The following AGTPBP1 variants were observed in gnomAD, a reference collection of about 807,000 sequenced individuals.
AGTPBP1 encodes ATP/GTP binding carboxypeptidase 1.
A neutral mutation model predicts 143.9 loss-of-function variants in AGTPBP1; 70 were observed. That is an observed-to-expected ratio of 0.49 (90% confidence interval 0.40 to 0.59). The LOEUF is 0.59. Ranked by LOEUF, AGTPBP1 falls within the 20% of genes least tolerant of loss-of-function variation. The pLI, the probability that AGTPBP1 is intolerant of heterozygous loss-of-function variation, is 0.00. For missense variants in AGTPBP1, 1,229 were observed against 1,464.5 expected (o/e 0.84, Z 2.62); for synonymous variants, 463 against 500.2 (o/e 0.93, Z 0.99).
rs538132050 is a variant in AGTPBP1 at position 85,552,991 on chromosome 9, T to G, written c.3504-5705A>C. 2.0e-5 allele frequency among the ~76,000 whole-genome samples: 3 copies of G among 152,352 alleles called. No individual in the cohort carries two copies. The East Asian group carries it at 5.8e-4, about 29-fold the overall frequency. On this transcript the variant is annotated intron_variant, in intron 25 of 25. Transcript: ENST00000357081. ...GTCAGATTTAGGGTGAAAGAAAATC[T>G]TTCTATTTGTACAAATACCAGAAGA...
intron 17 of AGTPBP1, among the ~76,000 whole-genome samples, chr9:85,618,557 T>A (rs1226190711): frequency 6.8e-6 from 1 of 146,024 alleles, no homozygotes; most frequent in Non-Finnish European, 1.5e-5. Context: ...TATTCCACAC[T>A]TTTTTTTTTT....
chr9:85,636,715 C>G (rs1254362730), intron 13 of AGTPBP1, among the ~76,000 whole-genome samples: 3 of 151,922 alleles, frequency 2.0e-5, no homozygotes, highest in Non-Finnish European at 4.4e-5. Context: ...GTAAAAAGGT[C>G]TACGTTCAAT....
At chr9:85,784,965 C>A in the AGTPBP1 span, among the ~76,000 whole-genome samples, 8 of 152,138 alleles carry the variant, frequency 5.3e-5, no homozygotes, top group Non-Finnish European at 8.8e-5. Context: ...CATTATAGGC[C>A]AAGCAAACCA....
At chr9:85,678,839 G>C (rs905476986) in intron 4 of AGTPBP1, among the ~76,000 whole-genome samples, 19 of 152,076 alleles carry the variant, frequency 1.2e-4, no homozygotes, top group African/African-American at 4.6e-4. Context: ...TGTGCATACA[G>C]GTTTATTTCT....
intron 8 of AGTPBP1, among the ~76,000 whole-genome samples, chr9:85,665,442 G>A (rs1482540709): frequency 2.0e-5 from 3 of 152,152 alleles, no homozygotes; most frequent in Non-Finnish European, 4.4e-5. Context: ...TCCAGCCTCT[G>A]GAACTATAAA....
chr9:85,629,214 T>C (rs1264198355), intron 14 of AGTPBP1, among the ~76,000 whole-genome samples: 1 of 152,212 alleles, frequency 6.6e-6, no homozygotes, highest in Non-Finnish European at 1.5e-5. Context: ...CTCAGTGGTA[T>C]ATTAGACTGT....
At chr9:85,595,734 C>G (rs1411035885) in intron 18 of AGTPBP1, among the ~76,000 whole-genome samples, 2 of 152,016 alleles carry the variant, frequency 1.3e-5, no homozygotes. Flanking sequence ...ACCATGTTGG[C>G]CAGGCTGGTC....
intron 18 of AGTPBP1, among the ~76,000 whole-genome samples, chr9:85,595,458 G>C (rs763439865): frequency 2.6e-5 from 4 of 152,228 alleles, no homozygotes; most frequent in African/African-American, 7.2e-5. Flanking sequence ...CGAGTACTTA[G>C]AGGTGGAGCT....
chr9:85,802,354 C>G, the AGTPBP1 span, among the ~76,000 whole-genome samples: 2 of 152,104 alleles, frequency 1.3e-5, no homozygotes, highest in Admixed American at 1.3e-4. Flanking sequence ...TCCCCTTATA[C>G]TTGCCTGGTC....
chr9:85,804,719 G>A, the AGTPBP1 span, among the ~76,000 whole-genome samples: 1 of 152,200 alleles, frequency 6.6e-6, no homozygotes, highest in African/African-American at 2.4e-5. Context: ...TGTAAAATTA[G>A]TCCACTACGA....
At position 85,575,466 on chromosome 9, in the gene AGTPBP1, T is replaced by C. The variant is rs1827840070; in HGVS notation, c.3352A>G (p.Ile1118Val). ...CDQGKYKGLQ[I>V]GTRELEEMGA... ...ATCTCTTCCAGTTCTCGGGTACCAATCTGTAAACCCTTGAAATAAACAAAT... is the reference window on the plus strand; with the variant it reads ...ATCTCTTCCAGTTCTCGGGTACCAACCTGTAAACCCTTGAAATAAACAAAT... The change falls in exon 25 of 26, where the codon ATT becomes GTT. Residue 1118 changes from isoleucine to valine, a missense_variant. This residue lies in a region of AGTPBP1 where 486 missense variants were observed against 652.3 expected (regional missense o/e 0.75). Transcript: ENST00000357081. 6.2e-7 allele frequency: 1 copy of C among 1,602,702 alleles called. No individual in the cohort carries two copies. Among genetic ancestry groups the C allele is most frequent in the Non-Finnish European group, 8.5e-7 (1 of 1,177,076 alleles).
chr9:85,662,857 G>A (rs1169524924), intron 8 of AGTPBP1, among the ~76,000 whole-genome samples: 2 of 151,492 alleles, frequency 1.3e-5, no homozygotes, highest in African/African-American at 2.4e-5. Flanking sequence ...AACAGAAACC[G>A]GATGTACCCT....
chr9:85,724,930 T>A (rs1431346316), intron 1 of AGTPBP1, among the ~76,000 whole-genome samples: 1 of 152,310 alleles, frequency 6.6e-6, no homozygotes, highest in Middle Eastern at 3.4e-3. Flanking sequence ...TCTTCATTTT[T>A]AAAAATCCAG....
intron 1 of AGTPBP1, among the ~76,000 whole-genome samples, chr9:85,726,460 G>A (rs922027571): frequency 2.6e-5 from 4 of 152,178 alleles, no homozygotes; most frequent in Non-Finnish European, 4.4e-5. Context: ...ATCCGATGTG[G>A]TAATTTCTGA....
At position 85,639,367 on chromosome 9, in the gene AGTPBP1, G is replaced by GCGCACACACA. The variant is rs1554713133; in HGVS notation, c.1302+3459_1302+3460insTGTGTGTGCG. Among the ~76,000 whole-genome samples the GCGCACACACA allele has an allele frequency of 4.5e-3, 667 of 147,312 alleles. 3 individuals are homozygous for GCGCACACACA. Among genetic ancestry groups the GCGCACACACA allele is most frequent in the African/African-American group, 0.011 (448 of 40,544 alleles). On this transcript the variant is annotated intron_variant, in intron 13 of 25. Transcript: ENST00000357081. The stretch of plus-strand genomic sequence containing the variant: ...TACACACACCCATGCGCGCGCACGC[G>GCGCACACACA]CACACACACACACACACACACACAC...
the AGTPBP1 span, among the ~76,000 whole-genome samples, chr9:85,788,803 CATAGAT>C: frequency 6.7e-6 from 1 of 150,094 alleles, no homozygotes; most frequent in African/African-American, 2.4e-5. Flanking sequence ...TGTATATATA[CATAGAT>C]ATAGATATAT....
At chr9:85,631,595 G>A (rs1422617843) in intron 14 of AGTPBP1, among the ~76,000 whole-genome samples, 2 of 152,168 alleles carry the variant, frequency 1.3e-5, no homozygotes, top group African/African-American at 4.8e-5. Context: ...GGGCCAACCA[G>A]TGGCACTAAA....
rs998151342 is a variant in AGTPBP1, at chr9:85,585,594, C to T, written c.3034G>A (p.Val1012Ile). The T allele has an allele frequency of 2.5e-6, 4 of 1,584,932 alleles. No individual in the cohort carries two copies. In the African/African-American group the frequency reaches 5.4e-5, roughly 22 times the overall value. ...GAATGGCCATGATAATCACAATAAA[C>T]CTTGAAAATATATATTTTAAAAATT... ...YLAAVKRLPL[V>I]YCDYHGHSRK... The change falls in exon 23 of 26, where the codon GTT becomes ATT. Residue 1012 changes from valine (V) to isoleucine (I), a missense_variant and splice_region_variant. Physicochemically the swap from Val to Ile is conservative, Grantham distance 29 (BLOSUM62 3). This residue lies in a region of AGTPBP1 where 486 missense variants were observed against 652.3 expected (regional missense o/e 0.75). Coordinates refer to ENST00000357081, the MANE Select transcript of AGTPBP1 (RefSeq NM_001330701.2).
intron 3 of AGTPBP1, among the ~76,000 whole-genome samples, chr9:85,683,874 T>C (rs1564141882): frequency 6.6e-6 from 1 of 152,114 alleles, no homozygotes; most frequent in East Asian, 1.9e-4. Context: ...CAGTGTGAGG[T>C]AGCACTGTTT....
Sources: allele counts gnomAD v4.1 joint callset (sites outside exome capture counted in the v4.1 genomes callset), GRCh38; gene constraint gnomAD v4.1.1; regional missense constraint gnomAD v4.1.1; transcripts MANE v1.5; gene names NCBI Gene and HGNC (gene_info 2026-07-23, HGNC 2026-07-21).